SUCLG2: variants seen among roughly 807,000 people sequenced by gnomAD.
The protein encoded by SUCLG2 is succinate--CoA ligase [GDP-forming] subunit beta, mitochondrial.
Under a neutral mutation model 47.9 loss-of-function variants are expected in SUCLG2, and 42 were observed. The observed-to-expected ratio is 0.88, with a 90% CI of 0.69 to 1.14. SUCLG2 has a LOEUF of 1.14. Ranked by LOEUF, SUCLG2 falls within the 50% of genes most tolerant of loss-of-function variation. The pLI, the probability that SUCLG2 is intolerant of heterozygous loss-of-function variation, is 0.00. For synonymous variants in SUCLG2, 195 were observed against 197.3 expected (o/e 0.99, Z 0.10); for missense variants, 571 against 525.9 (o/e 1.09, Z -0.84).
At chr3:67,397,861 C>T (rs931615235) in intron 10 of SUCLG2, among the ~76,000 whole-genome samples, 4 of 151,832 alleles carry the variant, frequency 2.6e-5, no homozygotes, top group African/African-American at 7.3e-5. Flanking sequence ...TCAGAAATAA[C>T]ACCGCATATC....
chr3:67,535,134 T>C (rs1706505443), intron 2 of SUCLG2, among the ~76,000 whole-genome samples: 1 of 152,142 alleles, frequency 6.6e-6, no homozygotes, highest in Non-Finnish European at 1.5e-5. Flanking sequence ...TGTGTATGTA[T>C]TTAAAGGAAG....
intron 9 of SUCLG2, among the ~76,000 whole-genome samples, chr3:67,425,383 C>G (rs1363456128): frequency 6.6e-6 from 1 of 152,144 alleles, no homozygotes; most frequent in Non-Finnish European, 1.5e-5. Flanking sequence ...ATCCGGATAT[C>G]TGGTAAAACA....
chr3:67,439,412 G>C (rs566838639), intron 9 of SUCLG2, among the ~76,000 whole-genome samples: 1 of 152,020 alleles, frequency 6.6e-6, no homozygotes, highest in Non-Finnish European at 1.5e-5. Flanking sequence ...AGAAATAAAG[G>C]GTATTCAAAT....
Position 67,375,701 on chromosome 3 carries a change from C to T in SUCLG2, c.*43G>A, listed in dbSNP as rs1065399. The T allele has an allele frequency of 0.67, 1,052,723 of 1,568,692 alleles. 355,169 individuals carry two copies. Among genetic ancestry groups the T allele is most frequent in the Middle Eastern group, 0.83 (3,717 of 4,488 alleles). On this transcript the variant is annotated 3_prime_UTR_variant, in exon 11 of 11. Coordinates refer to ENST00000307227, the MANE Select transcript of SUCLG2 (RefSeq NM_003848.4). ...CACAATGATGAACCATCCCTTTTTA[C>T]GGAAAAATGGCTTTCTTTCTCCATT... is the stretch of plus-strand genomic sequence containing the variant.
intron 10 of SUCLG2, among the ~76,000 whole-genome samples, chr3:67,400,501 G>T (rs1303064550): frequency 1.3e-5 from 2 of 152,136 alleles, no homozygotes; most frequent in Non-Finnish European, 2.9e-5. Flanking sequence ...CTTTTGCTCT[G>T]GGGTAATTTT....
chr3:67,598,559 A>C (rs117243660), intron 2 of SUCLG2, among the ~76,000 whole-genome samples: 4,057 of 152,306 alleles, frequency 0.027, 83 homozygotes, highest in Middle Eastern at 0.061. Context: ...AGATTTACAG[A>C]AACACCTATA....
chr3:67,409,416 T>C (rs1350516523), intron 9 of SUCLG2, among the ~76,000 whole-genome samples: 2 of 152,104 alleles, frequency 1.3e-5, no homozygotes, highest in African/African-American at 2.4e-5. Flanking sequence ...TATCAGGCAG[T>C]GGAATGGCCA....
At chr3:67,537,377 T>C (rs551973113) in intron 2 of SUCLG2, among the ~76,000 whole-genome samples, 81 of 152,320 alleles carry the variant, frequency 5.3e-4, no homozygotes, top group Admixed American at 9.8e-4. Context: ...GCTTCATCCA[T>C]GTCCCTGAAA....
In SUCLG2 at chr3:67,508,792, C is replaced by T; in HGVS notation, c.757+15G>A. On this transcript the variant is annotated intron_variant, in intron 7 of 10. Transcript: ENST00000307227. Reference sequence around the variant, plus strand: ...AATACATTCATTTGTTTTCTCAATTCTTTTTTTTTTTTACCTTGTCCTTCT... The same window carrying T: ...AATACATTCATTTGTTTTCTCAATTTTTTTTTTTTTTTACCTTGTCCTTCT... 6 of 1,232,840 alleles carry T rather than the reference C, an allele frequency of 4.9e-6. No individual in the cohort carries two copies. Among genetic ancestry groups the T allele is most frequent in the East Asian group, 2.7e-5 (1 of 36,638 alleles). 76.4% of individuals were successfully genotyped at this position (1,232,840 alleles called of 1,614,324 possible).
At position 67,654,529 on chromosome 3, in the gene SUCLG2, G is replaced by A. The variant is rs906402794; in HGVS notation, c.58C>T (p.Pro20Ser). Residue 20 changes from proline (P) to serine (S), a missense_variant, in exon 1 of 11, where the codon CCC (proline) becomes TCC (serine). Transcript: ENST00000307227. ...TGGGACCCGGCCGCCAGGAAGCGGGGCCGCAGCGCTAGGGCTCGCAGAAGC... is the reference window on the plus strand; with the variant it reads ...TGGGACCCGGCCGCCAGGAAGCGGGACCGCAGCGCTAGGGCTCGCAGAAGC... The part of the protein sequence containing the change: ...GKLLRALALR[P>S]RFLAAGSQAV... The A allele has an allele frequency of 8.0e-7, 1 of 1,255,002 alleles. No individual in the cohort carries two copies. 77.7% of individuals were successfully genotyped at this position (1,255,002 alleles called of 1,614,324 possible). A position where few individuals can be genotyped will look rare whatever the true frequency, so the allele number is the denominator to read the frequency against.
At chr3:67,510,329 T>G (rs1404684377) in intron 6 of SUCLG2, among the ~76,000 whole-genome samples, 4 of 152,240 alleles carry the variant, frequency 2.6e-5, no homozygotes, top group African/African-American at 9.6e-5. Flanking sequence ...AATCCAAATT[T>G]GAGGGCTAGT....
intron 2 of SUCLG2, among the ~76,000 whole-genome samples, chr3:67,592,450 A>T (rs140899141): frequency 3.3e-5 from 5 of 152,182 alleles, no homozygotes; most frequent in Admixed American, 2.0e-4. Flanking sequence ...CTCTCATATG[A>T]TATCTCTTCA....
intron 9 of SUCLG2, among the ~76,000 whole-genome samples, chr3:67,460,871 T>C (rs1027673842): frequency 5.5e-4 from 83 of 152,104 alleles, no homozygotes; most frequent in African/African-American, 1.9e-3. Context: ...TTGGAGAAAA[T>C]ATAGGCAATG....
In SUCLG2 at chr3:67,529,264, T is replaced by A. The variant is rs114306553; in HGVS notation, c.227-78A>T. ...TTTTAAGCAATAAGGAAAGCAATAA[T>A]GGCACATAACTTCCAAGTAACTGGT... On this transcript the variant is annotated intron_variant, in intron 2 of 10. Coordinates refer to ENST00000307227, the MANE Select transcript of SUCLG2 (RefSeq NM_003848.4). The A allele has an allele frequency of 6.4e-5, 70 of 1,096,860 alleles. No individual in the cohort carries two copies. In the East Asian group the frequency reaches 6.7e-4, roughly 11 times the overall value. The allele number at this position is 1,096,860 out of a possible 1,614,324, so 67.9% of individuals were successfully genotyped here.
At chr3:67,401,173 A>G (rs1236642963) in intron 9 of SUCLG2, among the ~76,000 whole-genome samples, 5 of 152,068 alleles carry the variant, frequency 3.3e-5, no homozygotes, top group Non-Finnish European at 7.4e-5. Context: ...TCTTTTTATG[A>G]GTAGTATCAT....
At chr3:67,631,121 C>T (rs1700918241) in intron 1 of SUCLG2, among the ~76,000 whole-genome samples, 1 of 152,158 alleles carries the variant, frequency 6.6e-6, no homozygotes, top group Non-Finnish European at 1.5e-5. Flanking sequence ...AGGAGATCCT[C>T]ACTAGCTACT....
intron 2 of SUCLG2, among the ~76,000 whole-genome samples, chr3:67,558,359 A>G (rs1707216696): frequency 6.6e-6 from 1 of 151,044 alleles, no homozygotes; most frequent in African/African-American, 2.4e-5. Context: ...TACGGTTTAC[A>G]TGCCACAGAG....
At chr3:67,485,462 A>T (rs1234513356) in intron 9 of SUCLG2, among the ~76,000 whole-genome samples, 1 of 152,168 alleles carries the variant, frequency 6.6e-6, no homozygotes, top group African/African-American at 2.4e-5. Context: ...TTTTTGAAAG[A>T]TATTTTATAT....
At chr3:67,566,073 C>T (rs1001156610) in intron 2 of SUCLG2, among the ~76,000 whole-genome samples, 2 of 152,178 alleles carry the variant, frequency 1.3e-5, no homozygotes, top group African/African-American at 4.8e-5. Context: ...GATTCACACA[C>T]CTGTCCACTT....
Sources: allele counts gnomAD v4.1 joint callset (sites outside exome capture counted in the v4.1 genomes callset), GRCh38; gene constraint gnomAD v4.1.1; transcripts MANE v1.5; gene names NCBI Gene and HGNC (gene_info 2026-07-23, HGNC 2026-07-21).